PTK2: variants seen among roughly 807,000 people sequenced by gnomAD.
PTK2 encodes the protein protein tyrosine kinase 2, also known as focal adhesion kinase 1.
PTK2 carries 45 observed loss-of-function variants against 150.1 expected under a neutral mutation model. The ratio of observed to expected loss-of-function variants is 0.30; its 90% CI spans 0.24 to 0.38. PTK2 has a LOEUF of 0.38. Ranked by LOEUF, PTK2 falls within the 10% of genes least tolerant of loss-of-function variation. The probability of loss-of-function intolerance (pLI) is 1.00; values close to 1 mark genes in which losing one functional copy is unlikely to be tolerated. For synonymous variants in PTK2, 432 were observed against 449.2 expected (o/e 0.96, Z 0.48); for missense variants, 919 against 1,307.3 (o/e 0.70, Z 4.58).
At chr8:140,701,376 TAAATA>T (rs764469802) in intron 25 of PTK2, among the ~76,000 whole-genome samples, 18 of 152,192 alleles carry the variant, frequency 1.2e-4, no homozygotes, top group Non-Finnish European at 2.4e-4. Flanking sequence ...TATTAAATAT[TAAATA>T]AAAGAACATA....
intron 14 of PTK2, among the ~76,000 whole-genome samples, chr8:140,778,058 A>C (rs761984847): frequency 5.3e-5 from 8 of 152,210 alleles, no homozygotes; most frequent in Non-Finnish European, 7.3e-5. Flanking sequence ...CCCTTTGGCA[A>C]AACCTGTTGC....
chr8:140,993,571 T>C (rs1589113122), intron 1 of PTK2, among the ~76,000 whole-genome samples: 2 of 152,312 alleles, frequency 1.3e-5, no homozygotes, highest in South Asian at 2.1e-4. Flanking sequence ...AGCTCTTTCA[T>C]TGGACCAACA....
chr8:140,824,774 C>T lies in PTK2; in HGVS notation c.648+5698G>A, dbSNP rs144886152. 3.3e-4 allele frequency among the ~76,000 whole-genome samples: 50 copies of T among 152,312 alleles called. No homozygotes were observed. The East Asian group carries it at 8.9e-3, about 27-fold the overall frequency. The stretch of plus-strand genomic sequence containing the variant: ...CACTTGCAGAACTTGTTTAAGTAAA[C>T]AAGACTGTTCTCATTGCATTTCAAG... On this transcript the variant is annotated intron_variant, in intron 8 of 31. Coordinates refer to ENST00000522684, the Ensembl canonical transcript of PTK2.
chr8:140,823,729 T>G (rs574987983), intron 8 of PTK2, among the ~76,000 whole-genome samples: 4 of 152,228 alleles, frequency 2.6e-5, no homozygotes, highest in Non-Finnish European at 4.4e-5. Flanking sequence ...CACAGCTGAA[T>G]GCATCACGGG....
intron 2 of PTK2, among the ~76,000 whole-genome samples, chr8:140,909,996 T>TA (rs1018315798): frequency 3.9e-5 from 6 of 151,918 alleles, no homozygotes; most frequent in African/African-American, 9.7e-5. Context: ...CTTGTCCTAT[T>TA]AAAAAAAATA....
intron 7 of PTK2, among the ~76,000 whole-genome samples, chr8:140,839,809 G>C (rs538336755): frequency 6.6e-6 from 1 of 152,218 alleles, no homozygotes; most frequent in East Asian, 1.9e-4. Context: ...TGAAAAACAT[G>C]AATCTACAGA....
intron 18 of PTK2, chr8:140,746,326 G>T (rs1410660278): frequency 6.5e-6 from 1 of 153,840 alleles, no homozygotes; most frequent in African/African-American, 2.4e-5. Context: ...GGGAGACTTT[G>T]TCTCTCAAAA....
rs2100029935 is a variant in PTK2, at chr8:140,700,932, C to G, written c.2458G>C (p.Glu820Gln). Reference sequence around the variant, plus strand: ...TTTTCCAGCCAGCGCTGATCTTCTTCCATTTCCTGTTGCTGTCGGATTAGA... The same window carrying G: ...TTTTCCAGCCAGCGCTGATCTTCTTGCATTTCCTGTTGCTGTCGGATTAGA... The change falls in exon 26 of 32, where the codon GAA becomes CAA. Residue 820 changes from glutamate (E) to glutamine (Q), a missense_variant. Physicochemically the swap from Glu to Gln is conservative, Grantham distance 29. Transcript: ENST00000522684. The G allele has an allele frequency of 1.9e-6, 3 of 1,614,080 alleles. No individual in the cohort carries two copies. The East Asian group carries it at 6.7e-5, about 36-fold the overall frequency.
intron 10 of PTK2, among the ~76,000 whole-genome samples, chr8:140,817,747 G>A (rs1221462324): frequency 1.3e-5 from 2 of 152,150 alleles, no homozygotes; most frequent in East Asian, 3.8e-4. Flanking sequence ...GGAAGAATGA[G>A]GATCACACAG....
chr8:140,719,546 T>C (rs1271347572), intron 22 of PTK2, among the ~76,000 whole-genome samples: 1 of 152,042 alleles, frequency 6.6e-6, no homozygotes, highest in Non-Finnish European at 1.5e-5. Context: ...GCTGGGAGGA[T>C]TAAGGGAGAT....
At chr8:140,899,717 C>T (rs1049780463) in intron 2 of PTK2, among the ~76,000 whole-genome samples, 4 of 152,096 alleles carry the variant, frequency 2.6e-5, no homozygotes, top group Admixed American at 2.6e-4. Flanking sequence ...TACTAGCAAA[C>T]TGAATTAAAC....
At chr8:140,941,080 A>G (rs561718375) in intron 1 of PTK2, among the ~76,000 whole-genome samples, 16 of 152,354 alleles carry the variant, frequency 1.1e-4, no homozygotes, top group African/African-American at 3.6e-4. Flanking sequence ...TCCCAAGTTC[A>G]TGCAATGACA....
chr8:140,800,065 GAT>G (rs1017917696), intron 12 of PTK2, among the ~76,000 whole-genome samples: 3 of 152,198 alleles, frequency 2.0e-5, no homozygotes, highest in Middle Eastern at 3.4e-3. Context: ...AAGCTTTTGA[GAT>G]ATATAAGAAA....
chr8:140,794,543 C>T (rs962674540), intron 12 of PTK2, among the ~76,000 whole-genome samples: 8 of 152,192 alleles, frequency 5.3e-5, no homozygotes, highest in African/African-American at 1.9e-4. Context: ...CCAATGACAT[C>T]TGCCTTGCTA....
chr8:140,675,908 T>C (rs1245684261), intron 27 of PTK2: 1 of 159,742 alleles, frequency 6.3e-6, no homozygotes, highest in Non-Finnish European at 1.4e-5. Flanking sequence ...CATGACTGCA[T>C]ATACGCCCAA....
intron 16 of PTK2, among the ~76,000 whole-genome samples, chr8:140,759,485 G>GATT (rs572923540): frequency 1.1e-3 from 146 of 127,296 alleles, no homozygotes; most frequent in African/African-American, 3.7e-3. Flanking sequence ...AGAGAGCCAT[G>GATT]ATTGTACCAC....
chr8:140,688,782 A>G (rs574095013), intron 26 of PTK2, among the ~76,000 whole-genome samples: 1 of 152,330 alleles, frequency 6.6e-6, no homozygotes, highest in South Asian at 2.1e-4. Flanking sequence ...AACTCTGAAG[A>G]GCATAACTTA....
rs373947237 is a variant in PTK2, at chr8:140,803,999, T to C, written c.868-349A>G. Among the ~76,000 whole-genome samples the C allele has an allele frequency of 1.4e-3, 214 of 152,274 alleles. 4 individuals carry two copies. The South Asian group carries it at 0.042, about 30-fold the overall frequency. On this transcript the variant is annotated intron_variant, in intron 10 of 31. Transcript: ENST00000522684. ...GTTTGCCAGCCTGGGAGGAATCTTA[T>C]GGAATTCTTAGTCAAAGAGAACATT...
intron 2 of PTK2, among the ~76,000 whole-genome samples, chr8:140,916,254 T>C (rs927068903): frequency 1.5e-4 from 23 of 152,234 alleles, no homozygotes; most frequent in African/African-American, 4.6e-4. Flanking sequence ...TGGATTAGGA[T>C]AGATCGGCAA....
Sources: allele counts gnomAD v4.1 joint callset (sites outside exome capture counted in the v4.1 genomes callset), GRCh38; gene constraint gnomAD v4.1.1; transcripts MANE v1.5; gene names NCBI Gene and HGNC (gene_info 2026-07-23, HGNC 2026-07-21).